The following KATNIP variants were observed in gnomAD, a reference collection of about 807,000 sequenced individuals.
The protein encoded by KATNIP is katanin interacting protein.
In KATNIP, 126 loss-of-function variants were observed where a neutral mutation model predicts 174.0. The observed-to-expected ratio is 0.72, with a 90% CI of 0.63 to 0.84. The LOEUF (loss-of-function observed/expected upper bound fraction) is 0.84, where lower values mean the gene tolerates loss of function less well. Ranked by LOEUF, KATNIP falls within the 40% of genes least tolerant of loss-of-function variation. KATNIP has a pLI of 0.00. For missense variants in KATNIP, 1,958 were observed against 2,109.7 expected, an observed-to-expected ratio of 0.93 and a Z score of 1.41; for synonymous variants, 810 against 835.7, an observed-to-expected ratio of 0.97 and a Z score of 0.53.
At chr16:27,644,222 A>G (rs980371019) in intron 5 of KATNIP, 1 of 152,112 alleles carries the variant, frequency 6.6e-6, no homozygotes. Flanking sequence ...GGGTTTCACC[A>G]TGCTGGCCAG....
intron 8 of KATNIP, among the ~76,000 whole-genome samples, chr16:27,695,524 T>C (rs1158373235): frequency 6.6e-6 from 1 of 152,214 alleles, no homozygotes; most frequent in Non-Finnish European, 1.5e-5. Context: ...AGATCTCCCT[T>C]ACCCCGATCT....
Position 27,740,986 on chromosome 16 carries a change from A to C in KATNIP, c.2623+66A>C, listed in dbSNP as rs1452644984. ...CAGCCCCTCTAATTGGCATGAAGCC[A>C]GTTAGCTCCTGGACCTCAGTTTCCT... On this transcript the variant is annotated intron_variant, in intron 15 of 27. Transcript: ENST00000261588. 3 of 1,324,090 alleles carry C rather than the reference A, an allele frequency of 2.3e-6. No homozygotes were observed. The African/African-American group carries it at 1.0e-4, about 44-fold the overall frequency. 82.0% of individuals were successfully genotyped at this position (1,324,090 alleles called of 1,614,324 possible). A position where few individuals can be genotyped will look rare whatever the true frequency, so the allele number is the denominator to read the frequency against.
At chr16:27,643,054 C>T (rs1303789009) in intron 5 of KATNIP, 26 of 152,214 alleles carry the variant, frequency 1.7e-4, no homozygotes, top group Non-Finnish European at 3.7e-4. Context: ...GGAACACAAC[C>T]GTGCCCATTT....
chr16:27,582,101 A>G (rs932474760), intron 2 of KATNIP, among the ~76,000 whole-genome samples: 3 of 152,154 alleles, frequency 2.0e-5, no homozygotes, highest in Non-Finnish European at 4.4e-5. Flanking sequence ...TTGGCTGATT[A>G]CAGGCTGATT....
chr16:27,559,672 C>A (rs1214727318), intron 1 of KATNIP, among the ~76,000 whole-genome samples: 5 of 148,432 alleles, frequency 3.4e-5, no homozygotes, highest in Non-Finnish European at 7.4e-5. Flanking sequence ...CAGAGCAAGA[C>A]CCTGTCTCAA....
At chr16:27,648,851 T>C (rs1197726065) in intron 6 of KATNIP, 116 bp downstream of exon 6, 6 of 1,200,756 alleles carry the variant, frequency 5.0e-6, no homozygotes, top group East Asian at 5.1e-5. Context: ...CACTCGCCGC[T>C]GTGTTCCTTC....
intron 10 of KATNIP, 65 bp from the exon 11 acceptor site, chr16:27,701,524 C>A: frequency 7.8e-7 from 1 of 1,276,810 alleles, no homozygotes; most frequent in Non-Finnish European, 1.1e-6. Context: ...TGACCGTGAC[C>A]CTGCTGTGTC....
chr16:27,551,181 C>T (rs1483143932), intron 1 of KATNIP, among the ~76,000 whole-genome samples: 1 of 152,150 alleles, frequency 6.6e-6, no homozygotes, highest in Non-Finnish European at 1.5e-5. Context: ...GATGGGAAGA[C>T]TAAAGTCTAG....
chr16:27,669,375 G>C (rs1291273555), intron 6 of KATNIP: 1 of 913,404 alleles, frequency 1.1e-6, no homozygotes, highest in Non-Finnish European at 1.3e-6. Flanking sequence ...TCCACCTGCG[G>C]TGTTGGCAGC....
intron 17 of KATNIP, among the ~76,000 whole-genome samples, chr16:27,752,423 G>T (rs2081556610): frequency 6.6e-6 from 1 of 152,220 alleles, no homozygotes; most frequent in Admixed American, 6.5e-5. Flanking sequence ...TATTAACATT[G>T]CCATTTCGGA....
intron 8 of KATNIP, among the ~76,000 whole-genome samples, chr16:27,682,477 G>C (rs1222620808): frequency 1.3e-5 from 2 of 152,172 alleles, no homozygotes; most frequent in African/African-American, 2.4e-5. Context: ...TAGGGAGCTG[G>C]GGAGGATGCG....
intron 1 of KATNIP, 115 bp downstream of exon 1, chr16:27,550,292 A>C: frequency 8.2e-7 from 1 of 1,222,728 alleles, no homozygotes; most frequent in East Asian, 2.4e-5. Flanking sequence ...TCCTGACCCA[A>C]GGGGGTCTCC....
chr16:27,655,694 A>T (rs1333449199), intron 6 of KATNIP, among the ~76,000 whole-genome samples: 1 of 152,190 alleles, frequency 6.6e-6, no homozygotes, highest in Non-Finnish European at 1.5e-5. Context: ...CTGTGAGTTA[A>T]GTTCTAGGGA....
intron 7 of KATNIP, 136 bp downstream of exon 7, chr16:27,678,132 T>A: frequency 1.0e-6 from 1 of 972,958 alleles, no homozygotes; most frequent in Non-Finnish European, 1.5e-6. Flanking sequence ...ATCAGTCAGG[T>A]CTCTGTTGAT....
At chr16:27,613,908 T>G (rs116743483) in intron 2 of KATNIP, among the ~76,000 whole-genome samples, 314 of 152,196 alleles carry the variant, frequency 2.1e-3, no homozygotes, top group African/African-American at 7.2e-3. Context: ...AGTTTGTTTT[T>G]TGTTGTTGTT....
intron 5 of KATNIP, among the ~76,000 whole-genome samples, chr16:27,634,693 T>A (rs1473096469): frequency 6.6e-6 from 1 of 152,082 alleles, no homozygotes; most frequent in East Asian, 1.9e-4. Flanking sequence ...CCAACATCTA[T>A]CCCCCTCCTC....
chr16:27,745,844 C>A (rs2081273329), intron 15 of KATNIP, among the ~76,000 whole-genome samples: 1 of 152,124 alleles, frequency 6.6e-6, no homozygotes, highest in Non-Finnish European at 1.5e-5. Flanking sequence ...GAGCACTAAT[C>A]CCAGCAGCTC....
chr16:27,678,006 G>C lies in KATNIP; in HGVS notation c.808+10G>C. ...AACCCAGCTTCCAAAAGTGAGCTCT[G>C]TCTTGTATATCATTTCTTTGCCATT... On this transcript the variant is annotated intron_variant, in intron 7 of 27. Transcript: ENST00000261588. The C allele has an allele frequency of 1.9e-6, 3 of 1,610,344 alleles. No individual in the cohort carries two copies. Among genetic ancestry groups the C allele is most frequent in the Non-Finnish European group, 2.5e-6 (3 of 1,176,894 alleles).
intron 7 of KATNIP, among the ~76,000 whole-genome samples, chr16:27,678,400 C>T (rs1422921738): frequency 6.6e-6 from 1 of 152,054 alleles, no homozygotes; most frequent in Non-Finnish European, 1.5e-5. Flanking sequence ...GTCTCCATCT[C>T]TCTCCCATCT....
Sources: allele counts gnomAD v4.1 joint callset (sites outside exome capture counted in the v4.1 genomes callset), GRCh38; gene constraint gnomAD v4.1.1; transcripts MANE v1.5; gene names NCBI Gene and HGNC (gene_info 2026-07-23, HGNC 2026-07-21).